KANK1: variants seen among roughly 807,000 people sequenced by gnomAD.
KANK1 encodes KN motif and ankyrin repeat domain-containing protein 1.
KANK1 carries 109 observed loss-of-function variants against 106.2 expected under a neutral mutation model. The ratio of observed to expected loss-of-function variants is 1.03; its 90% CI spans 0.88 to 1.20. The LOEUF is 1.20. KANK1 is among the 50% of genes most tolerant of loss of function. The pLI, the probability that KANK1 is intolerant of heterozygous loss-of-function variation, is 0.00. For missense variants in KANK1, 2,399 were observed against 1,710.7 expected (o/e 1.40, Z -7.10); for synonymous variants, 873 against 652.2 (o/e 1.34, Z -5.16).
At chr9:612,933 G>C (rs997837597) in intron 1 of KANK1, among the ~76,000 whole-genome samples, 15 of 152,278 alleles carry the variant, frequency 9.9e-5, no homozygotes, top group Non-Finnish European at 1.9e-4. Flanking sequence ...GTTACATGCA[G>C]AGGATCCCAA....
intron 1 of KANK1, among the ~76,000 whole-genome samples, chr9:634,917 C>G (rs1292495604): frequency 6.6e-6 from 1 of 152,196 alleles, no homozygotes; most frequent in Non-Finnish European, 1.5e-5. Flanking sequence ...CTTGCTCTGC[C>G]TCTTGGCAAA....
At chr9:725,592 CCAGT>C (rs768712029) in intron 3 of KANK1, among the ~76,000 whole-genome samples, 2 of 151,742 alleles carry the variant, frequency 1.3e-5, no homozygotes, top group Non-Finnish European at 1.5e-5. Flanking sequence ...TTGTTTTAAA[CCAGT>C]CAAAGTAGAC....
chr9:744,943 A>AG (rs1365571126), intron 11 of KANK1: 1 of 1,443,674 alleles, frequency 6.9e-7, no homozygotes, highest in Non-Finnish European at 9.1e-7. Flanking sequence ...TGTAGTCCAC[A>AG]GTTCACTCTG....
At chr9:743,657 G>GAGTTCAAGACCAGC (rs1212551176) in intron 10 of KANK1, among the ~76,000 whole-genome samples, 39 of 152,144 alleles carry the variant, frequency 2.6e-4, no homozygotes, top group Non-Finnish European at 5.0e-4. Context: ...TCGAGCCCAG[G>GAGTTCAAGACCAGC]AGTTCAAGAC....
At chr9:688,881 C>G (rs1210888049) in intron 2 of KANK1, among the ~76,000 whole-genome samples, 1 of 152,190 alleles carries the variant, frequency 6.6e-6, no homozygotes, top group African/African-American at 2.4e-5. Flanking sequence ...AGGTAAGAAC[C>G]TGAGCTGGTA....
At chr9:564,233 T>C (rs548743491) in intron 1 of KANK1, among the ~76,000 whole-genome samples, 1 of 152,028 alleles carries the variant, frequency 6.6e-6, no homozygotes, top group South Asian at 2.1e-4. Flanking sequence ...CTAATTTTTT[T>C]GTGTTTTTTA....
At chr9:703,087 G>A (rs1823097345) in intron 2 of KANK1, among the ~76,000 whole-genome samples, 1 of 152,054 alleles carries the variant, frequency 6.6e-6, no homozygotes, top group Non-Finnish European at 1.5e-5. Flanking sequence ...CGCCTCCCAG[G>A]TTCAAGCGAT....
chr9:728,100 T>C (rs1383968770), intron 3 of KANK1, among the ~76,000 whole-genome samples: 2 of 152,184 alleles, frequency 1.3e-5, no homozygotes, highest in Admixed American at 6.5e-5. Context: ...AACCTGACTC[T>C]CCTATAGCAT....
chr9:528,073 C>T (rs942250230), intron 1 of KANK1, among the ~76,000 whole-genome samples: 1 of 150,610 alleles, frequency 6.6e-6, no homozygotes, highest in Non-Finnish European at 1.5e-5. Flanking sequence ...GTGGAGCTTG[C>T]AGTGAGCCGA....
chr9:584,502 G>A (rs953190587), intron 1 of KANK1, among the ~76,000 whole-genome samples: 3 of 152,146 alleles, frequency 2.0e-5, no homozygotes, highest in Non-Finnish European at 4.4e-5. Flanking sequence ...ATAGTAATAT[G>A]GTATTTGATC....
chr9:525,301 T>C (rs1056431936), intron 1 of KANK1, among the ~76,000 whole-genome samples: 2 of 151,342 alleles, frequency 1.3e-5, no homozygotes, highest in African/African-American at 2.5e-5. Flanking sequence ...AGCCAACTCT[T>C]GCTTCTTAAA....
chr9:575,619 C>T (rs1188281402), intron 1 of KANK1, among the ~76,000 whole-genome samples: 1 of 151,924 alleles, frequency 6.6e-6, no homozygotes, highest in Non-Finnish European at 1.5e-5. Context: ...TGCAGTTAGC[C>T]ATGATCATGT....
chr9:696,059 C>T (rs1463708602), intron 2 of KANK1, among the ~76,000 whole-genome samples: 3 of 151,574 alleles, frequency 2.0e-5, no homozygotes, highest in African/African-American at 7.3e-5. Flanking sequence ...TTGGGAAGCC[C>T]GGCTCACGAG....
intron 1 of KANK1, among the ~76,000 whole-genome samples, chr9:630,573 G>T (rs568919845): frequency 3.0e-4 from 46 of 152,060 alleles, no homozygotes; most frequent in African/African-American, 1.1e-3. Flanking sequence ...AACCTGAAGA[G>T]TAGCTTCGTT....
chr9:479,191 C>T lies in KANK1; in HGVS notation c.-362+5918C>T, dbSNP rs144131839. ...GTAAAATTCATCAAAATTCCTTTTC[C>T]ATGCTGCTGTGTGTTCTTCCTGGTT... On this transcript the variant is annotated intron_variant, in intron 3 of 15. Transcript: ENST00000382303. Among the ~76,000 whole-genome samples the T allele has an allele frequency of 4.1e-3, 631 of 152,342 alleles. 2 individuals carry two copies. The highest frequency in any genetic ancestry group is 0.014 in the Middle Eastern group (4 of 294).
At chr9:553,493 T>G (rs2134150266) in intron 1 of KANK1, among the ~76,000 whole-genome samples, 1 of 152,324 alleles carries the variant, frequency 6.6e-6, no homozygotes, top group South Asian at 2.1e-4. Flanking sequence ...AGTCCTCAGC[T>G]TCATATCTTC....
intron 1 of KANK1, among the ~76,000 whole-genome samples, chr9:622,361 C>T (rs2136435273): frequency 6.6e-6 from 1 of 152,132 alleles, no homozygotes. Flanking sequence ...ATGGTCACTG[C>T]CCTGGAAAGA....
intron 2 of KANK1, among the ~76,000 whole-genome samples, chr9:689,469 T>A (rs1310777917): frequency 6.6e-6 from 1 of 152,124 alleles, no homozygotes; most frequent in Non-Finnish European, 1.5e-5. Context: ...TGTTAAGTCT[T>A]CTGAGCGGAT....
intron 1 of KANK1, among the ~76,000 whole-genome samples, chr9:521,717 G>A (rs899106553): frequency 6.0e-5 from 9 of 151,236 alleles, no homozygotes; most frequent in East Asian, 1.9e-4. Context: ...ACAGGTGTGC[G>A]CCACCACGCG....
Sources: allele counts gnomAD v4.1 joint callset (sites outside exome capture counted in the v4.1 genomes callset), GRCh38; gene constraint gnomAD v4.1.1; transcripts MANE v1.5; gene names NCBI Gene and HGNC (gene_info 2026-07-23, HGNC 2026-07-21).